The following CRTC3 variants were observed in gnomAD, a reference collection of about 807,000 sequenced individuals.
CRTC3 encodes CREB regulated transcription coactivator 3.
Under a neutral mutation model 74.5 loss-of-function variants are expected in CRTC3, and 26 were observed. The ratio of observed to expected loss-of-function variants is 0.35; its 90% CI spans 0.26 to 0.48. The LOEUF (loss-of-function observed/expected upper bound fraction) is 0.48. Ranked by LOEUF, CRTC3 falls within the 20% of genes least tolerant of loss-of-function variation. The pLI, the probability that CRTC3 is intolerant of heterozygous loss-of-function variation, is 0.99. For missense variants in CRTC3, 760 were observed against 787.3 expected, an observed-to-expected ratio of 0.97 and a Z score of 0.41; for synonymous variants, 377 against 325.8, an observed-to-expected ratio of 1.16 and a Z score of -1.69.
At chr15:90,638,852 A>ATAAACTGTACCATT in intron 13 of CRTC3, 37 bp downstream of exon 13, 1 of 1,521,550 alleles carries the variant, frequency 6.6e-7, no homozygotes, top group Non-Finnish European at 9.1e-7. Flanking sequence ...CCCTTGGTGC[A>ATAAACTGTACCATT]TAAACTGTAC....
At chr15:90,573,425 G>A (rs1273067901) in intron 2 of CRTC3, among the ~76,000 whole-genome samples, 3 of 152,136 alleles carry the variant, frequency 2.0e-5, no homozygotes, top group African/African-American at 7.2e-5. Flanking sequence ...ACAATTTCTA[G>A]TATGTTTAGA....
rs1264821996 is a variant in CRTC3, at chr15:90,530,083, G to T, written c.12G>T (p.Ser4=). The change falls in exon 1 of 15, where the codon TCG becomes TCT. Residue 4 remains serine, a synonymous_variant. Coordinates refer to ENST00000268184, the MANE Select transcript of CRTC3 (RefSeq NM_022769.5). This position sits in a 1 kb window ranked among gnomAD's most constrained non-coding sequence, Gnocchi z 6.2. MAA[S]PGSGSANPRK... ...GCAGAGTCCGCGCCATGGCCGCCTC[G>T]CCGGGCTCGGGCAGCGCCAACCCGC... is the stretch of plus-strand genomic sequence containing the variant. 1.4e-6 allele frequency: 2 copies of T among 1,437,068 alleles called. No homozygotes were observed. The highest frequency in any genetic ancestry group is 2.5e-5 in the South Asian group (2 of 81,458). The allele number at this position is 1,437,068 out of a possible 1,614,324, so 89.0% of individuals were successfully genotyped here. A position where few individuals can be genotyped will look rare whatever the true frequency, so the allele number is the denominator to read the frequency against.
At chr15:90,565,346 C>T (rs570613211) in intron 2 of CRTC3, among the ~76,000 whole-genome samples, 2 of 152,276 alleles carry the variant, frequency 1.3e-5, no homozygotes, top group Admixed American at 6.5e-5. Flanking sequence ...ATAATGTATA[C>T]GAAGCATCTA....
chr15:90,577,993 T>C (rs928617900), intron 2 of CRTC3, among the ~76,000 whole-genome samples: 2 of 152,178 alleles, frequency 1.3e-5, no homozygotes, highest in Non-Finnish European at 2.9e-5. Context: ...CACTGCAACC[T>C]CCATCTCCCG....
intron 2 of CRTC3, among the ~76,000 whole-genome samples, chr15:90,561,858 A>T (rs1244396733): frequency 2.0e-5 from 3 of 152,242 alleles, no homozygotes; most frequent in Admixed American, 2.0e-4. Context: ...TATACTTTAA[A>T]CTTAAAATGA....
intron 6 of CRTC3, among the ~76,000 whole-genome samples, chr15:90,611,107 A>G (rs1968346029): frequency 6.6e-6 from 1 of 152,146 alleles, no homozygotes; most frequent in African/African-American, 2.4e-5. Flanking sequence ...TGGCAGGTAC[A>G]AGCATCCCAG....
intron 14 of CRTC3, 84 bp from the exon 15 acceptor site, chr15:90,641,848 C>A (rs1033305462): frequency 2.7e-6 from 3 of 1,119,122 alleles, no homozygotes; most frequent in Admixed American, 3.5e-5. Flanking sequence ...GTTTAGGGGA[C>A]TGTCATCAGC....
chr15:90,593,138 G>A (rs1339698926), intron 2 of CRTC3, among the ~76,000 whole-genome samples: 4 of 152,174 alleles, frequency 2.6e-5, no homozygotes, highest in African/African-American at 9.7e-5. Flanking sequence ...GGGCAACAGA[G>A]CAAGACTCCA....
chr15:90,642,253 A>C lies in CRTC3; in HGVS notation c.*113A>C. On this transcript the variant is annotated 3_prime_UTR_variant, in exon 15 of 15. Coordinates refer to ENST00000268184, the MANE Select transcript of CRTC3 (RefSeq NM_022769.5). ...CGTTATCTTGACATAGAAGGAAGCA[A>C]TGCCACGGCTCCAGGGTTTCAGATG... 1 of 819,244 alleles carries C rather than the reference A, an allele frequency of 1.2e-6. No individual in the cohort carries two copies. The highest frequency in any genetic ancestry group is 2.0e-6 in the Non-Finnish European group (1 of 509,118). The allele number at this position is 819,244 out of a possible 1,614,324, so 50.7% of individuals were successfully genotyped here.
At chr15:90,602,214 A>G in intron 3 of CRTC3, 110 bp from the exon 4 acceptor site, 1 of 682,048 alleles carries the variant, frequency 1.5e-6, no homozygotes, top group Non-Finnish European at 2.6e-6. Context: ...GCTGTCAGGT[A>G]CAGGGATAAG....
At chr15:90,610,042 G>A (rs1968321461) in intron 6 of CRTC3, among the ~76,000 whole-genome samples, 1 of 152,090 alleles carries the variant, frequency 6.6e-6, no homozygotes, top group Non-Finnish European at 1.5e-5. Flanking sequence ...TGTTTACATG[G>A]GAAAGCCAGT....
chr15:90,609,979 TGCA>T (rs1968320022), intron 6 of CRTC3, among the ~76,000 whole-genome samples: 1 of 152,246 alleles, frequency 6.6e-6, no homozygotes, highest in Non-Finnish European at 1.5e-5. Context: ...TGCCTGCTCC[TGCA>T]GTTGCCTTGC....
At chr15:90,615,170 C>A (rs1968461367) in intron 7 of CRTC3, among the ~76,000 whole-genome samples, 1 of 152,086 alleles carries the variant, frequency 6.6e-6, no homozygotes, top group African/African-American at 2.4e-5. Context: ...GATAACAATG[C>A]CAGGAAAATG....
chr15:90,620,690 G>A (rs369725839), intron 9 of CRTC3, among the ~76,000 whole-genome samples: 3 of 152,224 alleles, frequency 2.0e-5, no homozygotes, highest in East Asian at 1.9e-4. Flanking sequence ...CATAGTGTCC[G>A]TGAGAGCAGT....
At chr15:90,615,548 G>A (rs1968470662) in intron 7 of CRTC3, among the ~76,000 whole-genome samples, 1 of 152,228 alleles carries the variant, frequency 6.6e-6, no homozygotes, top group Admixed American at 6.5e-5. Flanking sequence ...TCACAAAAAG[G>A]TAAAACATCA....
chr15:90,552,001 A>C (rs1966859572), intron 2 of CRTC3, among the ~76,000 whole-genome samples: 1 of 141,780 alleles, frequency 7.1e-6, no homozygotes, highest in Admixed American at 7.1e-5. Flanking sequence ...TGACCCTGTG[A>C]AGGTGTTGGG....
chr15:90,566,142 G>C (rs8030799), intron 2 of CRTC3, among the ~76,000 whole-genome samples: 124,943 of 152,150 alleles, frequency 0.82, 51,631 homozygotes, highest in Middle Eastern at 0.91. Context: ...TAAGCCAAAG[G>C]CTAATCTAGA....
intron 6 of CRTC3, among the ~76,000 whole-genome samples, chr15:90,609,840 G>T (rs1413142320): frequency 6.6e-6 from 1 of 152,216 alleles, no homozygotes; most frequent in African/African-American, 2.4e-5. Flanking sequence ...TCCTGGATCA[G>T]GGTTCCTGCG....
intron 1 of CRTC3, among the ~76,000 whole-genome samples, chr15:90,534,555 GTGGTTAGT>G (rs1231096549): frequency 8.6e-6 from 1 of 116,822 alleles, no homozygotes; most frequent in Non-Finnish European, 2.0e-5. Flanking sequence ...GGCCCAAAAT[GTGGTTAGT>G]TGGTTGGTTG....
Sources: gnomAD v4.1 joint callset for allele counts (sites outside exome capture counted in the v4.1 genomes callset) on GRCh38, gnomAD v4.1.1 for gene constraint, Gnocchi (gnomAD v3.1) non-coding constraint, MANE v1.5 for transcripts, NCBI Gene and HGNC (gene_info 2026-07-23, HGNC 2026-07-21) for gene names.